Variants in CD38 observed in about 807,000 individuals in gnomAD.
CD38 encodes the protein ADP-ribosyl cyclase/cyclic ADP-ribose hydrolase 1.
CD38 carries 31 observed loss-of-function variants against 36.3 expected under a neutral mutation model. The observed-to-expected ratio is 0.85, with a 90% confidence interval of 0.64 to 1.15. CD38 has a LOEUF of 1.15. CD38 is among the 50% of genes most tolerant of loss of function. CD38 has a pLI of 0.00. For synonymous variants in CD38, 131 were observed against 135.2 expected (o/e 0.97, Z 0.22); for missense variants, 380 against 371.9 (o/e 1.02, Z -0.18).
At chr4:15,836,023 A>G (rs1724063229) in intron 4 of CD38, among the ~76,000 whole-genome samples, 1 of 152,244 alleles carries the variant, frequency 6.6e-6, no homozygotes, top group African/African-American at 2.4e-5. Context: ...TGTGAGTAAC[A>G]ATACACTAAT....
intron 1 of CD38, among the ~76,000 whole-genome samples, chr4:15,780,565 CACAT>C (rs1488289430): frequency 1.5e-4 from 21 of 141,868 alleles, no homozygotes; most frequent in East Asian, 1.0e-3. Context: ...CACACACACA[CACAT>C]ACAGTCTTAC....
rs184955361 is a variant in CD38 at position 15,848,450 on chromosome 4, C to A, written c.840-89C>A. 2.5e-3 allele frequency: 2,193 copies of A among 889,622 alleles called. 5 individuals are homozygous for A. The highest frequency in any genetic ancestry group is 3.8e-3 in the Non-Finnish European group (2,029 of 539,254). 55.1% of individuals were successfully genotyped at this position (889,622 alleles called of 1,614,324 possible). The stretch of plus-strand genomic sequence containing the variant: ...CTAAGTGGTCTGTGCACCTTGTCGT[C>A]GCTAAAAAAGGGGCTTCCTCCATTA... On this transcript the variant is annotated intron_variant, in intron 7 of 7. Transcript: ENST00000226279.
intron 1 of CD38, among the ~76,000 whole-genome samples, chr4:15,785,088 G>GATTGAATGTGGAAGGGGAAGTGAA (rs1451114326): frequency 2.6e-5 from 4 of 151,836 alleles, no homozygotes; most frequent in African/African-American, 7.3e-5. Flanking sequence ...ACCTGAGACA[G>GATTGAATGTGGAAGGGGAAGTGAA]ATTGAATGTG....
At chr4:15,841,658 C>G (rs1461522537) in intron 7 of CD38, among the ~76,000 whole-genome samples, 2 of 149,662 alleles carry the variant, frequency 1.3e-5, no homozygotes, top group African/African-American at 5.1e-5. Context: ...CCGGGTTCAT[C>G]TCACTAGGGA....
chr4:15,824,847 A>G, intron 2 of CD38, 34 bp from the exon 3 acceptor site: 1 of 1,546,632 alleles, frequency 6.5e-7, no homozygotes, highest in African/African-American at 1.4e-5. Context: ...TGCTAAATTG[A>G]TCTCAGTAAT....
intron 7 of CD38, 68 bp from the exon 8 acceptor site, chr4:15,848,471 C>A: frequency 8.5e-7 from 1 of 1,172,158 alleles, no homozygotes; most frequent in Non-Finnish European, 1.3e-6. Flanking sequence ...GGGCTTCCTC[C>A]ATTAGCGAAT....
intron 1 of CD38, among the ~76,000 whole-genome samples, chr4:15,780,431 C>T (rs755959667): frequency 2.0e-5 from 3 of 151,676 alleles, no homozygotes; most frequent in Non-Finnish European, 4.4e-5. Flanking sequence ...CTGTGATTTT[C>T]CTGTCCAGAT....
intron 3 of CD38, 33 bp downstream of exon 3, chr4:15,825,049 G>A (rs2148924614): frequency 4.4e-6 from 7 of 1,574,722 alleles, no homozygotes; most frequent in Non-Finnish European, 6.0e-6. Flanking sequence ...ATTGCCCAGG[G>A]ATGTGGAGGG....
At chr4:15,834,782 T>C (rs1724031500) in intron 4 of CD38, among the ~76,000 whole-genome samples, 1 of 152,208 alleles carries the variant, frequency 6.6e-6, no homozygotes, top group Non-Finnish European at 1.5e-5. Flanking sequence ...AAACAAGGAA[T>C]CTACTAAATG....
chr4:15,834,270 GT>G lies in CD38; in HGVS notation c.556del (p.Ser186GlnfsTer21). ...DWRKDCSNNP[V>X]SVFWKTVSRR... ...GAGAAAGGACTGCAGCAACAACCCT[GT>G]TTCAGTATTCTGGAAAACGGTTTCC... On this transcript the variant is annotated frameshift_variant, in exon 4 of 8. Transcript: ENST00000226279. LOFTEE classifies it high-confidence loss of function. The G allele has an allele frequency of 6.2e-7, 1 of 1,613,126 alleles. No individual in the cohort carries two copies. The highest frequency in any genetic ancestry group is 8.5e-7 in the Non-Finnish European group (1 of 1,179,042).
In CD38 at chr4:15,836,021, A is replaced by G. The variant is rs558003039; in HGVS notation, c.585+1719A>G. Among the ~76,000 whole-genome samples the G allele has an allele frequency of 3.3e-4, 51 of 152,358 alleles. 1 individual carries two copies. The South Asian group carries it at 9.7e-3, about 29-fold the overall frequency. ...GAAATGAAAGAAAAAGGTGTGAGTAACAATACACTAATTATAACTTTCAAA... is the reference window on the plus strand; with the variant it reads ...GAAATGAAAGAAAAAGGTGTGAGTAGCAATACACTAATTATAACTTTCAAA... On this transcript the variant is annotated intron_variant, in intron 4 of 7. Coordinates refer to ENST00000226279, the MANE Select transcript of CD38 (RefSeq NM_001775.4).
At chr4:15,804,399 A>C (rs531368929) in intron 1 of CD38, among the ~76,000 whole-genome samples, 1 of 152,328 alleles carries the variant, frequency 6.6e-6, no homozygotes, top group South Asian at 2.1e-4. Context: ...GAACTACCAT[A>C]TGATCCAGTA....
At position 15,778,546 on chromosome 4, in the gene CD38, G is replaced by T; in HGVS notation, c.132G>T (p.Pro44=). The stretch of plus-strand genomic sequence containing the variant: ...TCGTGGTGCTCGCGGTGGTCGTCCC[G>T]AGGTGGCGCCAGCAGTGGAGCGGTC... ...ILVVVLAVVV[P]RWRQQWSGPG... The change falls in exon 1 of 8, where the codon CCG becomes CCT. Residue 44 remains proline (P), a synonymous_variant. Transcript: ENST00000226279. The surrounding 1 kb of genome is among the most constrained non-coding windows in gnomAD (Gnocchi z 4.9). 6.2e-7 allele frequency: 1 copy of T among 1,611,910 alleles called. No homozygotes were observed.
At chr4:15,811,042 A>T (rs1723456960) in intron 1 of CD38, among the ~76,000 whole-genome samples, 1 of 152,142 alleles carries the variant, frequency 6.6e-6, no homozygotes, top group African/African-American at 2.4e-5. Context: ...GAGCATTTTT[A>T]TGTGTGTTTA....
intron 1 of CD38, among the ~76,000 whole-genome samples, chr4:15,805,477 A>AT (rs998867818): frequency 6.6e-6 from 1 of 151,740 alleles, no homozygotes; most frequent in Non-Finnish European, 1.5e-5. Context: ...TCTATTTTAC[A>AT]TTTTTTTCTC....
intron 7 of CD38, among the ~76,000 whole-genome samples, chr4:15,841,220 G>A (rs1006091203): frequency 6.6e-6 from 1 of 152,148 alleles, no homozygotes; most frequent in African/African-American, 2.4e-5. Flanking sequence ...ATTGGTAGAA[G>A]CATCTTTGGA....
intron 2 of CD38, among the ~76,000 whole-genome samples, chr4:15,818,330 C>T (rs972484205): frequency 3.9e-5 from 6 of 152,166 alleles, no homozygotes; most frequent in African/African-American, 1.4e-4. Flanking sequence ...AAGGTAACAA[C>T]CCCAGTCAGG....
At chr4:15,833,246 C>T (rs1723993612) in intron 3 of CD38, among the ~76,000 whole-genome samples, 1 of 152,186 alleles carries the variant, frequency 6.6e-6, no homozygotes, top group African/African-American at 2.4e-5. Flanking sequence ...GCCAGCAAGT[C>T]ACAGAGTCTC....
Position 15,778,574 on chromosome 4 carries a change from G to C in CD38, c.160G>C (p.Gly54Arg), listed in dbSNP as rs762086977. 5 of 1,613,614 alleles carry C rather than the reference G, an allele frequency of 3.1e-6. No individual in the cohort carries two copies. Among genetic ancestry groups the C allele is most frequent in the Non-Finnish European group, 4.2e-6 (5 of 1,180,000 alleles). ...PRWRQQWSGPGTTKRFPETVL... is the reference protein window; with the variant it reads ...PRWRQQWSGPRTTKRFPETVL... ...GTGGCGCCAGCAGTGGAGCGGTCCG[G>C]GCACCACCAAGCGCTTTCCCGAGAC... The change falls in exon 1 of 8, where the codon GGC (glycine) becomes CGC (arginine). Residue 54 changes from glycine (G) to arginine (R), a missense_variant. Physicochemically the swap from Gly to Arg is moderately radical, Grantham distance 125 (BLOSUM62 -2). Coordinates refer to ENST00000226279, the MANE Select transcript of CD38 (RefSeq NM_001775.4). The surrounding 1 kb of genome is among the most constrained non-coding windows in gnomAD (Gnocchi z 4.9).
Sources: allele counts gnomAD v4.1 joint callset (sites outside exome capture counted in the v4.1 genomes callset), GRCh38; gene constraint gnomAD v4.1.1; non-coding constraint Gnocchi (gnomAD v3.1); transcripts MANE v1.5; gene names NCBI Gene and HGNC (gene_info 2026-07-23, HGNC 2026-07-21).